CD46: variants seen among roughly 807,000 people sequenced by gnomAD.
CD46 encodes the protein CD46 molecule.
In CD46, 30 loss-of-function variants were observed where a neutral mutation model predicts 53.3. That is an observed-to-expected ratio of 0.56 (90% CI 0.42 to 0.76). The LOEUF (loss-of-function observed/expected upper bound fraction) is 0.76. Ranked by LOEUF, CD46 falls within the 30% of genes least tolerant of loss-of-function variation. CD46 has a pLI of 0.00. For synonymous variants in CD46, 142 were observed against 152.0 expected (o/e 0.93, Z 0.48); for missense variants, 409 against 463.0 (o/e 0.88, Z 1.07).
Position 207,757,170 on chromosome 1 carries a change from C to G in CD46, c.254C>G (p.Thr85Arg). The change falls in exon 2 of 13, where the codon ACA (threonine) becomes AGA (arginine). Residue 85 changes from threonine to arginine, a missense_variant. By Grantham distance (71) the Thr-to-Arg change is moderately conservative. Coordinates refer to ENST00000367042, the MANE Select transcript of CD46 (RefSeq NM_172351.3). ...CATACTATTTGTGATCGGAATCATA[C>G]ATGGCTACCTGTCTCAGATGACGCC... ...ATHTICDRNHTWLPVSDDACY... is the reference protein window; with the variant it reads ...ATHTICDRNHRWLPVSDDACY... 6.2e-7 allele frequency: 1 copy of G among 1,613,862 alleles called. No individual in the cohort carries two copies. Among genetic ancestry groups the G allele is most frequent in the Non-Finnish European group, 8.5e-7 (1 of 1,179,928 alleles).
At position 207,785,701 on chromosome 1, in the gene CD46, C is replaced by CT; in HGVS notation, c.1082+23dup. On this transcript the variant is annotated intron_variant, in intron 11 of 12. Coordinates refer to ENST00000367042, the MANE Select transcript of CD46 (RefSeq NM_172351.3). Reference sequence around the variant, plus strand: ...AGAAAGGGTAAATTAAAGCATGTTTCTTTTAACTTCTTGGTCCTTCTTATA... The same window carrying CT: ...AGAAAGGGTAAATTAAAGCATGTTTCTTTTTAACTTCTTGGTCCTTCTTATA... The CT allele has an allele frequency of 6.6e-7, 1 of 1,518,408 alleles. No individual in the cohort carries two copies. Among genetic ancestry groups the CT allele is most frequent in the Non-Finnish European group, 9.1e-7 (1 of 1,093,650 alleles). The allele number at this position is 1,518,408 out of a possible 1,614,324, so 94.1% of individuals were successfully genotyped here. A position where few individuals can be genotyped will look rare whatever the true frequency, so the allele number is the denominator to read the frequency against.
At chr1:207,767,857 A>G in intron 7 of CD46, 34 bp downstream of exon 7, 1 of 1,489,884 alleles carries the variant, frequency 6.7e-7, no homozygotes, top group Non-Finnish European at 9.4e-7. Context: ...TTTTTCAAAA[A>G]TCCTTTAAAT....
chr1:207,761,548 C>T, intron 5 of CD46, 102 bp downstream of exon 5: 1 of 894,126 alleles, frequency 1.1e-6, no homozygotes. Context: ...TGTGCTTCCT[C>T]CTCCTGTATA....
intron 11 of CD46, among the ~76,000 whole-genome samples, chr1:207,789,473 C>T (rs886310500): frequency 6.6e-6 from 1 of 152,058 alleles, no homozygotes; most frequent in Non-Finnish European, 1.5e-5. Flanking sequence ...GCATTTAACC[C>T]TTCAAAAATT....
chr1:207,763,925 A>C (rs1656541644), intron 5 of CD46, among the ~76,000 whole-genome samples: 1 of 148,254 alleles, frequency 6.7e-6, no homozygotes, highest in African/African-American at 2.5e-5. Flanking sequence ...GAGCTTGGTC[A>C]AAGTGGGGAA....
intron 8 of CD46, among the ~76,000 whole-genome samples, chr1:207,781,448 T>C (rs1037566241): frequency 6.6e-6 from 1 of 152,166 alleles, no homozygotes; most frequent in African/African-American, 2.4e-5. Flanking sequence ...TGATGAAATA[T>C]AATTTTTTTC....
In CD46 at chr1:207,752,818, G is replaced by T. The variant is rs185116367; in HGVS notation, c.97+509G>T. On this transcript the variant is annotated intron_variant, in intron 1 of 12. Coordinates refer to ENST00000367042, the MANE Select transcript of CD46 (RefSeq NM_172351.3). The surrounding 1 kb of genome is among the most constrained non-coding windows in gnomAD (Gnocchi z 4.1). ...CATGTGCTGGGCTGGGCGAGCAGGG[G>T]CCTGGCCAGGTGTTGCTGGGAGCGT... Among the ~76,000 whole-genome samples the T allele has an allele frequency of 3.3e-5, 5 of 152,322 alleles. No individual in the cohort carries two copies. In the South Asian group the frequency reaches 6.2e-4, roughly 19 times the overall value.
intron 11 of CD46, among the ~76,000 whole-genome samples, chr1:207,789,637 A>C (rs1205025426): frequency 1.3e-5 from 2 of 152,176 alleles, no homozygotes; most frequent in Non-Finnish European, 2.9e-5. Flanking sequence ...GACACTTCTT[A>C]ATGTAAAAGT....
intron 8 of CD46, among the ~76,000 whole-genome samples, chr1:207,775,499 C>A (rs1428528898): frequency 6.6e-6 from 1 of 152,104 alleles, no homozygotes; most frequent in Admixed American, 6.5e-5. Flanking sequence ...CTGGTTTCTC[C>A]CATCTTTGTG....
chr1:207,784,924 C>T (rs1027650683), intron 9 of CD46, 147 bp from the exon 10 acceptor site: 3 of 709,360 alleles, frequency 4.2e-6, no homozygotes, highest in Admixed American at 2.0e-5. Context: ...CCTCCCACAA[C>T]ACGTGGGGAT....
rs1655618778 is a variant in CD46, at chr1:207,757,007, T to C, written c.98-7T>C. On this transcript the variant is annotated splice_region_variant and splice_polypyrimidine_tract_variant and intron_variant, in intron 1 of 12. Coordinates refer to ENST00000367042, the MANE Select transcript of CD46 (RefSeq NM_172351.3). Reference sequence around the variant, plus strand: ...TCATCTTCATGTTCCTATTCTCTTATCCCTAGATGCCTGTGAGGAGCCACC... The same window carrying C: ...TCATCTTCATGTTCCTATTCTCTTACCCCTAGATGCCTGTGAGGAGCCACC... The C allele has an allele frequency of 1.9e-6, 3 of 1,611,258 alleles. No individual in the cohort carries two copies. Among genetic ancestry groups the C allele is most frequent in the Non-Finnish European group, 2.5e-6 (3 of 1,177,470 alleles).
intron 2 of CD46, 124 bp downstream of exon 2, chr1:207,757,326 C>A: frequency 1.0e-6 from 1 of 985,548 alleles, no homozygotes; most frequent in Non-Finnish European, 1.6e-6. Flanking sequence ...GATAACAATG[C>A]ATTTTTGCAA....
At position 207,768,521 on chromosome 1, in the gene CD46, G is replaced by T. The variant is rs1272052943; in HGVS notation, c.901+698G>T. The T allele has an allele frequency of 3.3e-5, 5 of 152,048 alleles. No individual in the cohort carries two copies. In the East Asian group the frequency reaches 9.7e-4, roughly 29 times the overall value. 9.4% of individuals were successfully genotyped at this position (152,048 alleles called of 1,614,324 possible). A position where few individuals can be genotyped will look rare whatever the true frequency, so the allele number is the denominator to read the frequency against. ...CCACCCCTCTTCCACACCTCATAAT[G>T]TTATTTATTTTTTTTCTCTTTAGTG... On this transcript the variant is annotated intron_variant, in intron 7 of 12. Transcript: ENST00000367042.
chr1:207,791,892 T>C (rs1282480775), intron 12 of CD46, among the ~76,000 whole-genome samples: 2 of 152,238 alleles, frequency 1.3e-5, no homozygotes, highest in East Asian at 3.8e-4. Flanking sequence ...AAATTTATGT[T>C]AATGCCTTTT....
At chr1:207,774,481 T>A (rs1011363982) in intron 8 of CD46, among the ~76,000 whole-genome samples, 11 of 152,258 alleles carry the variant, frequency 7.2e-5, no homozygotes, top group Admixed American at 3.3e-4. Context: ...ATAGCATCGA[T>A]GGTCTTTACC....
chr1:207,776,670 C>G (rs1394565936), intron 8 of CD46, among the ~76,000 whole-genome samples: 1 of 151,594 alleles, frequency 6.6e-6, no homozygotes, highest in Admixed American at 6.6e-5. Context: ...ACTCTGTTGC[C>G]CAGGCTGGAG....
intron 11 of CD46, among the ~76,000 whole-genome samples, chr1:207,786,455 G>C (rs548769814): frequency 6.6e-6 from 1 of 152,146 alleles, no homozygotes; most frequent in Non-Finnish European, 1.5e-5. Context: ...TCAAATTTTA[G>C]TTAAAGAGCT....
intron 4 of CD46, 71 bp downstream of exon 4, chr1:207,759,795 A>G (rs1396297857): frequency 1.3e-6 from 1 of 795,238 alleles, no homozygotes; most frequent in Non-Finnish European, 2.2e-6. Flanking sequence ...TACACCCTTT[A>G]CACTTTAAGA....
In CD46 at chr1:207,791,412, A is replaced by G. The variant is rs554203741; in HGVS notation, c.*41+1067A>G. Among the ~76,000 whole-genome samples the G allele has an allele frequency of 5.9e-5, 9 of 152,384 alleles. No homozygotes were observed. The South Asian group carries it at 1.9e-3, about 32-fold the overall frequency. ...TTGTGCTCTGAGGCCACTAAGTAAA[A>G]TAAGGGTTACCTAACCACAGGTACT... On this transcript the variant is annotated intron_variant, in intron 12 of 12. Coordinates refer to ENST00000367042, the MANE Select transcript of CD46 (RefSeq NM_172351.3).
Sources: allele counts gnomAD v4.1 joint callset (sites outside exome capture counted in the v4.1 genomes callset), GRCh38; gene constraint gnomAD v4.1.1; non-coding constraint Gnocchi (gnomAD v3.1); transcripts MANE v1.5; gene names NCBI Gene and HGNC (gene_info 2026-07-23, HGNC 2026-07-21).